PDE1C: variants seen among roughly 807,000 people sequenced by gnomAD.
PDE1C encodes dual specificity calcium/calmodulin-dependent 3',5'-cyclic nucleotide phosphodiesterase 1C.
A neutral mutation model predicts 93.1 loss-of-function variants in PDE1C; 62 were observed. The observed-to-expected ratio is 0.67, with a 90% CI of 0.54 to 0.82. The LOEUF (loss-of-function observed/expected upper bound fraction) is 0.82. Ranked by LOEUF, PDE1C falls within the 40% of genes least tolerant of loss-of-function variation. The probability of loss-of-function intolerance (pLI) is 0.00; values close to 1 mark genes in which losing one functional copy is unlikely to be tolerated. For synonymous variants in PDE1C, 325 were observed against 310.1 expected (o/e 1.05, Z -0.50); for missense variants, 742 against 884.6 (o/e 0.84, Z 2.04).
intron 2 of PDE1C, among the ~76,000 whole-genome samples, chr7:31,933,942 A>G (rs1485290761): frequency 6.6e-6 from 1 of 152,240 alleles, no homozygotes; most frequent in African/African-American, 2.4e-5. Context: ...TTTTCTTTAT[A>G]GCAATGTGAG....
intron 3 of PDE1C, among the ~76,000 whole-genome samples, chr7:32,138,925 A>G (rs1245174133): frequency 6.6e-6 from 1 of 152,248 alleles, no homozygotes; most frequent in African/African-American, 2.4e-5. Context: ...AGTGCTGTGC[A>G]GTAAAACTTT....
intron 1 of PDE1C, among the ~76,000 whole-genome samples, chr7:32,414,337 CAAAAT>C (rs1785230544): frequency 6.6e-6 from 1 of 151,218 alleles, no homozygotes; most frequent in Non-Finnish European, 1.5e-5. Flanking sequence ...AAAATGCCCA[CAAAAT>C]AAAAGTAAAA....
intron 15 of PDE1C, 55 bp from the exon 16 acceptor site, chr7:31,809,163 T>C (rs1413225361): frequency 1.1e-5 from 10 of 947,158 alleles, no homozygotes; most frequent in South Asian, 8.0e-5. Context: ...GGGGTTGTTA[T>C]AAACATCTTT....
intron 1 of PDE1C, among the ~76,000 whole-genome samples, chr7:32,384,768 T>C (rs1232020070): frequency 6.6e-6 from 1 of 152,224 alleles, no homozygotes; most frequent in Non-Finnish European, 1.5e-5. Context: ...ATTATGCTTC[T>C]TAAACTTTAA....
chr7:32,282,485 A>G (rs201813241), intron 1 of PDE1C, among the ~76,000 whole-genome samples: 1 of 143,858 alleles, frequency 7.0e-6, no homozygotes, highest in African/African-American at 2.6e-5. Flanking sequence ...TCAAAAAAAA[A>G]ATAGATAGAT....
chr7:32,240,544 T>C (rs10267589), intron 1 of PDE1C, among the ~76,000 whole-genome samples: 20,120 of 152,080 alleles, frequency 0.13, 1,539 homozygotes, highest in African/African-American at 0.19. Context: ...GTCAACAAAG[T>C]CTCTGACACA....
At chr7:31,634,735 T>C in the PDE1C span, among the ~76,000 whole-genome samples, 1 of 152,164 alleles carries the variant, frequency 6.6e-6, no homozygotes. Flanking sequence ...GGATTCCATT[T>C]ACACAACTGG....
At chr7:31,826,702 C>T (rs570075395) in intron 12 of PDE1C, among the ~76,000 whole-genome samples, 1 of 152,250 alleles carries the variant, frequency 6.6e-6, no homozygotes, top group East Asian at 1.9e-4. Context: ...TTCTGATATT[C>T]ATCATCTCTT....
At chr7:31,787,072 G>T (rs1784082595) in intron 16 of PDE1C, 1 of 151,910 alleles carries the variant, frequency 6.6e-6, no homozygotes, top group African/African-American at 2.4e-5. Flanking sequence ...ACAAAAATTG[G>T]TCTTCAACTT....
intron 1 of PDE1C, among the ~76,000 whole-genome samples, chr7:32,212,056 A>T (rs1806088110): frequency 6.6e-6 from 1 of 151,786 alleles, no homozygotes; most frequent in Non-Finnish European, 1.5e-5. Context: ...GAAAGAAAGA[A>T]AAAAGAAAAA....
chr7:32,328,988 T>A (rs1374252835), intron 1 of PDE1C, among the ~76,000 whole-genome samples: 1 of 152,126 alleles, frequency 6.6e-6, no homozygotes, highest in Non-Finnish European at 1.5e-5. Context: ...ATCCAGCACT[T>A]TGGGAGGCCA....
At chr7:31,736,560 C>T in the PDE1C span, among the ~76,000 whole-genome samples, 5 of 152,148 alleles carry the variant, frequency 3.3e-5, no homozygotes, top group African/African-American at 1.2e-4. Context: ...TTTTTCCCTA[C>T]ACACCACCGC....
intron 1 of PDE1C, among the ~76,000 whole-genome samples, chr7:32,385,072 T>C (rs1316047825): frequency 6.6e-6 from 1 of 152,150 alleles, no homozygotes; most frequent in Non-Finnish European, 1.5e-5. Context: ...ATTATAAGAC[T>C]TTTGTGGGGA....
chr7:31,879,453 G>T (rs1241706174), intron 3 of PDE1C, among the ~76,000 whole-genome samples: 1 of 152,174 alleles, frequency 6.6e-6, no homozygotes, highest in Non-Finnish European at 1.5e-5. Flanking sequence ...GCACTCTGTG[G>T]CATTTGAGTG....
At chr7:32,245,644 C>T (rs1044224648) in intron 1 of PDE1C, among the ~76,000 whole-genome samples, 5 of 152,180 alleles carry the variant, frequency 3.3e-5, no homozygotes, top group African/African-American at 1.2e-4. Flanking sequence ...GTCTGGGTTG[C>T]TCTAACAAAA....
chr7:32,138,867 G>A (rs1158377257), intron 3 of PDE1C, among the ~76,000 whole-genome samples: 1 of 151,972 alleles, frequency 6.6e-6, no homozygotes, highest in South Asian at 2.1e-4. Flanking sequence ...TAGTAATCCT[G>A]AGTCTCTCAC....
rs1204630246 is a variant in PDE1C, at chr7:32,005,578, A to AAAAAAAAAAAAAC, written c.128+45975_128+45976insGTTTTTTTTTTTT. Among the ~76,000 whole-genome samples the AAAAAAAAAAAAAC allele has an allele frequency of 6.6e-3, 683 of 103,722 alleles. 73 individuals carry two copies. The highest frequency in any genetic ancestry group is 0.01 in the East Asian group (47 of 4,492). 68.0% of individuals were successfully genotyped at this position (103,722 alleles called of 152,430 possible). A position where few individuals can be genotyped will look rare whatever the true frequency, so the allele number is the denominator to read the frequency against. On this transcript the variant is annotated intron_variant, in intron 2 of 17. Transcript: ENST00000396191. ...TTCAAAAAAAAAAAAAAAAAAAAAA[A>AAAAAAAAAAAAAC]AAAGAATTGTGATCTGAGAAATCAC...
intron 2 of PDE1C, among the ~76,000 whole-genome samples, chr7:31,978,339 AC>A (rs1811933720): frequency 6.6e-6 from 1 of 152,124 alleles, no homozygotes; most frequent in South Asian, 2.1e-4. Context: ...ATTTTAGAAG[AC>A]TCTTAAATTG....
At chr7:32,200,855 G>A (rs1238733169) in intron 2 of PDE1C, among the ~76,000 whole-genome samples, 4 of 152,190 alleles carry the variant, frequency 2.6e-5, no homozygotes, top group African/African-American at 4.8e-5. Context: ...TGCAAGAAGA[G>A]CATGTGGGAT....
Sources: gnomAD v4.1 joint callset for allele counts (sites outside exome capture counted in the v4.1 genomes callset) on GRCh38, gnomAD v4.1.1 for gene constraint, MANE v1.5 for transcripts, NCBI Gene and HGNC (gene_info 2026-07-23, HGNC 2026-07-21) for gene names.